Variants in EP400 observed in about 807,000 individuals in gnomAD.
EP400 encodes the protein E1A-binding protein p400.
A neutral mutation model predicts 354.1 loss-of-function variants in EP400; 105 were observed. The observed-to-expected ratio is 0.30, with a 90% CI of 0.25 to 0.35. EP400 has a LOEUF of 0.35. Among genes scored for constraint, EP400 ranks in the 10% least tolerant of loss-of-function variants. EP400 has a pLI of 1.00. For missense variants in EP400, 3,280 were observed against 4,121.0 expected, an observed-to-expected ratio of 0.80 and a Z score of 5.59; for synonymous variants, 1,646 against 1,716.9, an observed-to-expected ratio of 0.96 and a Z score of 1.02.
chr12:132,004,095 A>G (rs913008174), intron 12 of EP400, among the ~76,000 whole-genome samples: 1 of 152,216 alleles, frequency 6.6e-6, no homozygotes, highest in African/African-American at 2.4e-5. Context: ...GGATAGACTC[A>G]CTAAAAGGGG....
chr12:132,014,022 CTG>C (rs1593346876), intron 19 of EP400, 109 bp downstream of exon 19: 1 of 1,465,274 alleles, frequency 6.8e-7, no homozygotes, highest in Non-Finnish European at 9.2e-7. Context: ...GATTGGGTGT[CTG>C]GAGCTGGAGA....
intron 45 of EP400, among the ~76,000 whole-genome samples, chr12:132,057,122 A>C (rs1895540754): frequency 6.6e-6 from 1 of 152,252 alleles, no homozygotes; most frequent in Admixed American, 6.5e-5. Context: ...TATAAAACCA[A>C]GCCTACTCTT....
At chr12:132,012,377 C>T (rs765248597) in intron 16 of EP400, among the ~76,000 whole-genome samples, 9 of 152,160 alleles carry the variant, frequency 5.9e-5, no homozygotes, top group Non-Finnish European at 1.2e-4. Flanking sequence ...GCCTGGTTTC[C>T]GCTTCCCAGA....
chr12:131,971,600 C>G (rs1221803798), intron 2 of EP400, among the ~76,000 whole-genome samples: 1 of 152,166 alleles, frequency 6.6e-6, no homozygotes, highest in African/African-American at 2.4e-5. Flanking sequence ...TTCTCACCAA[C>G]AGTGCACAAG....
chr12:132,041,002 C>T (rs936206734), intron 32 of EP400, among the ~76,000 whole-genome samples: 1 of 152,244 alleles, frequency 6.6e-6, no homozygotes, highest in Non-Finnish European at 1.5e-5. Flanking sequence ...CATGTGGGGG[C>T]AGCAGGCGGG....
At chr12:132,048,335 T>G (rs1380489260) in intron 39 of EP400, among the ~76,000 whole-genome samples, 1 of 152,152 alleles carries the variant, frequency 6.6e-6, no homozygotes, top group Non-Finnish European at 1.5e-5. Flanking sequence ...ATTATAAAAG[T>G]ATTAATTTGG....
chr12:132,042,057 T>A (rs1387187600), intron 32 of EP400, among the ~76,000 whole-genome samples: 2 of 151,686 alleles, frequency 1.3e-5, no homozygotes, highest in African/African-American at 4.9e-5. Flanking sequence ...GTCAAAGTGA[T>A]CCTCCAGCTC....
chr12:131,996,882 G>C (rs549054459), intron 12 of EP400, among the ~76,000 whole-genome samples: 5 of 152,246 alleles, frequency 3.3e-5, no homozygotes, highest in African/African-American at 1.2e-4. Flanking sequence ...GGTCAGTTCT[G>C]TGTTGCAGTG....
At chr12:131,986,194 A>T (rs1356337798) in intron 5 of EP400, among the ~76,000 whole-genome samples, 1 of 151,818 alleles carries the variant, frequency 6.6e-6, no homozygotes, top group Non-Finnish European at 1.5e-5. Flanking sequence ...GCCCAGGCTC[A>T]TCTCAAACTC....
chr12:132,037,213 G>T (rs1265969136), intron 30 of EP400, among the ~76,000 whole-genome samples: 1 of 152,186 alleles, frequency 6.6e-6, no homozygotes, highest in Non-Finnish European at 1.5e-5. Flanking sequence ...AACACCTCTT[G>T]TGGGTCTGGT....
chr12:132,005,148 C>T lies in EP400; in HGVS notation c.2899C>T (p.Pro967Ser), dbSNP rs762540109. ...CCTGCCGAGTTCTCAGTGGCCCCGG[C>T]CGAAGCCTGATGGGGAGGACACAAG... ...AFLPSSQWPR[P>S]KPDGEDTSGE... Residue 967 changes from proline (P) to serine (S), a missense_variant, in exon 13 of 53, where the codon CCG (proline) becomes TCG (serine). By Grantham distance (74) the Pro-to-Ser change is moderately conservative (BLOSUM62 -1). This residue lies in a region of EP400 where 800 missense variants were observed against 840.0 expected (regional missense o/e 0.95). Transcript: ENST00000389561. The T allele has an allele frequency of 6.3e-7, 1 of 1,584,748 alleles. No individual in the cohort carries two copies. Among genetic ancestry groups the T allele is most frequent in the Non-Finnish European group, 8.6e-7 (1 of 1,165,444 alleles).
chr12:132,077,528 C>T lies in EP400; in HGVS notation c.9227C>T (p.Thr3076Met), dbSNP rs570867067. The T allele has an allele frequency of 1.9e-6, 3 of 1,613,868 alleles. No individual in the cohort carries two copies. Among genetic ancestry groups the T allele is most frequent in the Non-Finnish European group, 2.5e-6 (3 of 1,180,018 alleles). ...CTCATTCAGCAGCAGGTGGTGACCACGGCGTCGGCCCCGCTCCAGACTCCA... is the reference window on the plus strand; with the variant it reads ...CTCATTCAGCAGCAGGTGGTGACCATGGCGTCGGCCCCGCTCCAGACTCCA... ...QKLIQQQVVT[T>M]ASAPLQTPGA... The change falls in exon 53 of 53, where the codon ACG becomes ATG. Residue 3076 changes from threonine (T) to methionine (M), a missense_variant. Physicochemically the swap from Thr to Met is moderately conservative, Grantham distance 81. This residue lies in a region of EP400 where 279 missense variants were observed against 386.7 expected (regional missense o/e 0.72). Transcript: ENST00000389561.
rs1325859332 is a variant in EP400, at chr12:132,054,857, G to A, written c.7729-117G>A. 1.4e-5 allele frequency: 15 copies of A among 1,045,512 alleles called. No homozygotes were observed. Among genetic ancestry groups the A allele is most frequent in the Non-Finnish European group, 2.2e-5 (15 of 675,600 alleles). 64.8% of individuals were successfully genotyped at this position (1,045,512 alleles called of 1,614,324 possible). A position where few individuals can be genotyped will look rare whatever the true frequency, so the allele number is the denominator to read the frequency against. On this transcript the variant is annotated intron_variant, in intron 43 of 52. Transcript: ENST00000389561. The surrounding 1 kb of genome is among the most constrained non-coding windows in gnomAD (Gnocchi z 4.0). ...ATGAGCTGGGGAGGATGGGACAGGT[G>A]GCTGTGTGAATGTCGTGGAGTTTGG...
At chr12:132,039,219 G>C (rs564181039) in intron 32 of EP400, among the ~76,000 whole-genome samples, 227 of 152,270 alleles carry the variant, frequency 1.5e-3, no homozygotes, top group Admixed American at 2.7e-3. Context: ...GACTCTCTTA[G>C]TCTGTCTGTG....
chr12:131,950,920 G>A (rs1439350456), intron 1 of EP400, among the ~76,000 whole-genome samples: 1 of 152,064 alleles, frequency 6.6e-6, no homozygotes, highest in Admixed American at 6.6e-5. Flanking sequence ...TTTCTTTTGA[G>A]AAAGAGTCTC....
At chr12:132,040,566 G>T (rs951831113) in intron 32 of EP400, among the ~76,000 whole-genome samples, 32 of 152,322 alleles carry the variant, frequency 2.1e-4, no homozygotes, top group African/African-American at 6.5e-4. Context: ...CTTGTTGATT[G>T]TCTTACTGTG....
chr12:131,983,530 AG>A (rs1257980481), intron 5 of EP400, among the ~76,000 whole-genome samples: 1 of 152,242 alleles, frequency 6.6e-6, no homozygotes, highest in Non-Finnish European at 1.5e-5. Flanking sequence ...GGGCACTGAC[AG>A]GGAGGCCGGG....
chr12:132,053,865 T>C (rs1215952158), intron 43 of EP400, among the ~76,000 whole-genome samples: 3 of 152,200 alleles, frequency 2.0e-5, no homozygotes, highest in Non-Finnish European at 4.4e-5. Flanking sequence ...CAGCTCCTTT[T>C]AGTGGAGGTG....
At chr12:131,997,163 A>G (rs970755241) in intron 12 of EP400, among the ~76,000 whole-genome samples, 6 of 152,186 alleles carry the variant, frequency 3.9e-5, no homozygotes, top group African/African-American at 1.4e-4. Flanking sequence ...GAAAATTTGC[A>G]TATAGCTTTT....
Sources: allele counts gnomAD v4.1 joint callset (sites outside exome capture counted in the v4.1 genomes callset), GRCh38; gene constraint gnomAD v4.1.1; regional missense constraint gnomAD v4.1.1; non-coding constraint Gnocchi (gnomAD v3.1); transcripts MANE v1.5; gene names NCBI Gene and HGNC (gene_info 2026-07-23, HGNC 2026-07-21).